The following ANKRD30BL variants were observed in gnomAD, a reference collection of about 807,000 sequenced individuals.
ANKRD30BL encodes ankyrin repeat domain 30B like, also known as putative ankyrin repeat domain-containing protein 30B-like.
Under a neutral mutation model 18.4 loss-of-function variants are expected in ANKRD30BL, and 20 were observed. The observed-to-expected ratio is 1.09, with a 90% confidence interval of 0.77 to 1.58. The LOEUF is 1.58. ANKRD30BL is among the 40% of genes most tolerant of loss of function. The pLI is 0.00. For synonymous variants in ANKRD30BL, 72 were observed against 100.9 expected (o/e 0.71, Z 1.72); for missense variants, 224 against 268.6 (o/e 0.83, Z 1.16).
Position 132,211,822 on chromosome 2 carries a change from T to C in ANKRD30BL, n.441+45707A>G, listed in dbSNP as rs917987800. Among the ~76,000 whole-genome samples, 4 of 152,174 alleles carry C rather than the reference T, an allele frequency of 2.6e-5. No homozygotes were observed. In the East Asian group the frequency reaches 5.8e-4, roughly 22 times the overall value. On this transcript the variant is annotated intron_variant and non_coding_transcript_variant, in intron 1 of 4. Transcript: ENST00000470729. The stretch of plus-strand genomic sequence containing the variant: ...TCACAGAGTTGAACCTTTCTTTTCA[T>C]TGAGCAGTTTTGAAACACTCTTTTT...
intron 1 of ANKRD30BL, among the ~76,000 whole-genome samples, chr2:132,177,701 C>T (rs1011206849): frequency 6.6e-6 from 1 of 152,122 alleles, no homozygotes; most frequent in African/African-American, 2.4e-5. Flanking sequence ...TTCAATATAG[C>T]ATTTTCTCCT....
In ANKRD30BL at chr2:132,178,750, A is replaced by T. The variant is rs935156189; in HGVS notation, n.442-21604T>A. 1.1e-4 allele frequency among the ~76,000 whole-genome samples: 17 copies of T among 152,326 alleles called. 1 individual carries two copies. The highest frequency in any genetic ancestry group is 3.8e-4 in the African/African-American group (16 of 41,582). On this transcript the variant is annotated intron_variant and non_coding_transcript_variant, in intron 1 of 4. Coordinates refer to the ANKRD30BL transcript ENST00000470729. ...TAAAGACTGTATGGCAAACTTTGAG[A>T]TATTTTAAAAATAGGCTAAATTAAG...
At chr2:132,222,026 CCTGT>C (rs1679703142) in intron 1 of ANKRD30BL, among the ~76,000 whole-genome samples, 1 of 137,838 alleles carries the variant, frequency 7.3e-6, no homozygotes, top group Non-Finnish European at 1.6e-5. Context: ...GGCCAGCCAC[CCTGT>C]CCGGGAGGGA....
intron 1 of ANKRD30BL, among the ~76,000 whole-genome samples, chr2:132,158,914 ATAAT>A: frequency 6.6e-6 from 1 of 152,116 alleles, no homozygotes; most frequent in Middle Eastern, 3.4e-3. Flanking sequence ...ACAAAAAGTA[ATAAT>A]TAAATTACGG....
chr2:132,206,365 T>C (rs2104752442), intron 1 of ANKRD30BL, among the ~76,000 whole-genome samples: 1 of 152,190 alleles, frequency 6.6e-6, no homozygotes, highest in South Asian at 2.1e-4. Context: ...ATAATAATAA[T>C]GCTAAGTGTG....
At chr2:132,206,476 G>A (rs1465018693) in intron 1 of ANKRD30BL, among the ~76,000 whole-genome samples, 1 of 152,148 alleles carries the variant, frequency 6.6e-6, no homozygotes, top group African/African-American at 2.4e-5. Flanking sequence ...ATGAGTGACT[G>A]TAGACAAATT....
intron 1 of ANKRD30BL, among the ~76,000 whole-genome samples, chr2:132,201,418 G>C (rs1347272112): frequency 6.6e-6 from 1 of 152,056 alleles, no homozygotes; most frequent in Admixed American, 6.6e-5. Context: ...CTAATATCCA[G>C]AATCTACAAT....
At chr2:132,218,524 A>G (rs575757308) in intron 1 of ANKRD30BL, among the ~76,000 whole-genome samples, 340 of 152,400 alleles carry the variant, frequency 2.2e-3, no homozygotes, top group African/African-American at 7.7e-3. Flanking sequence ...TTCAACTCAC[A>G]GAGTTGATAA....
upstream of ANKRD30BL, among the ~76,000 whole-genome samples, chr2:132,166,432 G>GA (rs1558917262): frequency 1.3e-5 from 2 of 151,880 alleles, no homozygotes; most frequent in African/African-American, 4.8e-5. Context: ...GGAAACATTG[G>GA]GGGGGTGAGG....
intron 1 of ANKRD30BL, among the ~76,000 whole-genome samples, chr2:132,222,490 G>A (rs1679718848): frequency 6.6e-6 from 1 of 152,130 alleles, no homozygotes; most frequent in African/African-American, 2.4e-5. Flanking sequence ...GTTCTGTACT[G>A]GGAAAAATTC....
intron 1 of ANKRD30BL, among the ~76,000 whole-genome samples, chr2:132,221,434 C>A (rs865827579): frequency 7.6e-6 from 1 of 132,202 alleles, no homozygotes; most frequent in African/African-American, 3.3e-5. Context: ...ATCAGCCCCC[C>A]GCCTGGCCAG....
At chr2:132,178,667 T>C (rs1688404864) in intron 1 of ANKRD30BL, among the ~76,000 whole-genome samples, 1 of 152,096 alleles carries the variant, frequency 6.6e-6, no homozygotes, top group African/African-American at 2.4e-5. Context: ...GTGAGATATT[T>C]ATGCTTTAGA....
intron 1 of ANKRD30BL, among the ~76,000 whole-genome samples, chr2:132,201,795 T>C (rs1183970291): frequency 1.3e-5 from 2 of 152,224 alleles, no homozygotes; most frequent in Non-Finnish European, 2.9e-5. Flanking sequence ...TTACTGGGTA[T>C]ATACCCAAAG....
intron 1 of ANKRD30BL, among the ~76,000 whole-genome samples, chr2:132,213,561 T>C (rs531461172): frequency 6.6e-6 from 1 of 152,378 alleles, no homozygotes; most frequent in Non-Finnish European, 1.5e-5. Flanking sequence ...ATACTTTTGA[T>C]TGAGCAGCTT....
chr2:132,240,480 AG>A (rs1312622596), intron 1 of ANKRD30BL, among the ~76,000 whole-genome samples: 3 of 151,842 alleles, frequency 2.0e-5, no homozygotes, highest in Non-Finnish European at 2.9e-5. Context: ...ATGGTGAAAC[AG>A]GAAATATCTT....
At chr2:132,192,720 G>A (rs553728808) in intron 1 of ANKRD30BL, among the ~76,000 whole-genome samples, 1 of 152,334 alleles carries the variant, frequency 6.6e-6, no homozygotes, top group African/African-American at 2.4e-5. Context: ...GACTGCATTT[G>A]TGTCCCTGTG....
At chr2:132,235,848 C>T (rs563379648) in intron 1 of ANKRD30BL, among the ~76,000 whole-genome samples, 1 of 152,178 alleles carries the variant, frequency 6.6e-6, no homozygotes, top group Admixed American at 6.6e-5. Context: ...CTTTAAAGTT[C>T]ATATGGAACC....
chr2:132,177,087 G>A (rs1688378210), intron 1 of ANKRD30BL, among the ~76,000 whole-genome samples: 4 of 151,858 alleles, frequency 2.6e-5, no homozygotes, highest in Admixed American at 2.6e-4. Context: ...TTCAATGCAA[G>A]TAGTGGCTAA....
rs1310112079 is a variant in ANKRD30BL, at chr2:132,182,719, T to C, written n.442-25573A>G. Among the ~76,000 whole-genome samples the C allele has an allele frequency of 3.9e-5, 6 of 152,152 alleles. No individual in the cohort carries two copies. In the South Asian group the frequency reaches 8.3e-4, roughly 21 times the overall value. On this transcript the variant is annotated intron_variant and non_coding_transcript_variant, in intron 1 of 4. Coordinates refer to the ANKRD30BL transcript ENST00000470729. ...CAGATGATTAAAAAAATAGTAACTT[T>C]AATTGTTAAAAATGATCATTTATTT...
Sources: allele counts gnomAD v4.1 joint callset (sites outside exome capture counted in the v4.1 genomes callset), GRCh38; gene constraint gnomAD v4.1.1; transcripts MANE v1.5; gene names NCBI Gene and HGNC (gene_info 2026-07-23, HGNC 2026-07-21).